ENTREP2: variants seen among roughly 807,000 people sequenced by gnomAD.
ENTREP2 encodes the protein protein ENTREP2.
the ENTREP2 span, among the ~76,000 whole-genome samples, chr15:29,670,371 C>T: frequency 6.6e-6 from 1 of 152,010 alleles, no homozygotes; most frequent in African/African-American, 2.4e-5. Flanking sequence ...GTGGTTCCAG[C>T]GGTGATTCCC....
the ENTREP2 span, among the ~76,000 whole-genome samples, chr15:29,323,347 C>T: frequency 1.3e-5 from 2 of 152,134 alleles, no homozygotes. Flanking sequence ...TCGATAAAAA[C>T]CCAAGAGGAC....
the ENTREP2 span, among the ~76,000 whole-genome samples, chr15:29,636,062 T>A: frequency 1.3e-5 from 2 of 152,114 alleles, no homozygotes. Context: ...GCTGGTTCAG[T>A]CTTCAAGGAC....
At chr15:29,671,251 G>T in the ENTREP2 span, among the ~76,000 whole-genome samples, 1 of 152,226 alleles carries the variant, frequency 6.6e-6, no homozygotes, top group East Asian at 1.9e-4. Flanking sequence ...AGCCCTGGCT[G>T]TTCGTCTGTG....
At chr15:29,489,032 CT>C in the ENTREP2 span, among the ~76,000 whole-genome samples, 1 of 152,016 alleles carries the variant, frequency 6.6e-6, no homozygotes, top group Non-Finnish European at 1.5e-5. Flanking sequence ...TAATTTTGGA[CT>C]TTTATAGAGG....
the ENTREP2 span, among the ~76,000 whole-genome samples, chr15:29,348,293 T>C: frequency 6.6e-6 from 1 of 151,770 alleles, no homozygotes; most frequent in African/African-American, 2.4e-5. Context: ...TATAGGGTAT[T>C]AGAAGGTGGT....
the ENTREP2 span, among the ~76,000 whole-genome samples, chr15:29,155,001 G>A: frequency 0.14 from 21,263 of 151,232 alleles, 2,327 homozygotes; most frequent in African/African-American, 0.3. Flanking sequence ...AGGCAGAACC[G>A]GCCGGGCGTG....
At chr15:29,555,866 G>A in the ENTREP2 span, among the ~76,000 whole-genome samples, 4 of 152,230 alleles carry the variant, frequency 2.6e-5, no homozygotes, top group Admixed American at 6.5e-5. Context: ...GGAACCATTC[G>A]TTCTTCACCA....
chr15:29,133,037 C>A, the ENTREP2 span, among the ~76,000 whole-genome samples: 37,153 of 152,138 alleles, frequency 0.24, 5,513 homozygotes, highest in Non-Finnish European at 0.34. Context: ...GTTTCCGGGT[C>A]CATCTGCCGC....
At chr15:29,356,664 A>G in the ENTREP2 span, among the ~76,000 whole-genome samples, 7 of 152,048 alleles carry the variant, frequency 4.6e-5, no homozygotes, top group Non-Finnish European at 7.4e-5. Context: ...ACCAAGGATA[A>G]GTGCATGAGA....
chr15:29,467,650 C>T, the ENTREP2 span, among the ~76,000 whole-genome samples: 1 of 152,122 alleles, frequency 6.6e-6, no homozygotes, highest in African/African-American at 2.4e-5. Flanking sequence ...GGTGAAACTA[C>T]CACATCCCCC....
the ENTREP2 span, among the ~76,000 whole-genome samples, chr15:29,371,169 AG>A: frequency 6.6e-6 from 1 of 152,100 alleles, no homozygotes; most frequent in Non-Finnish European, 1.5e-5. Flanking sequence ...GTGGAAAATA[AG>A]CTCAGCTCTT....
chr15:29,577,980 G>A, the ENTREP2 span, among the ~76,000 whole-genome samples: 1 of 152,180 alleles, frequency 6.6e-6, no homozygotes, highest in South Asian at 2.1e-4. Flanking sequence ...AATTGCAGAA[G>A]ATGAAGAGTT....
the ENTREP2 span, among the ~76,000 whole-genome samples, chr15:29,378,903 T>G: frequency 6.6e-6 from 1 of 152,216 alleles, no homozygotes; most frequent in Non-Finnish European, 1.5e-5. Flanking sequence ...TTTCCTTGCA[T>G]CTATTGTGAA....
chr15:29,490,296 G>T, the ENTREP2 span, among the ~76,000 whole-genome samples: 1 of 152,212 alleles, frequency 6.6e-6, no homozygotes, highest in African/African-American at 2.4e-5. Context: ...GAACTTCGCT[G>T]TGAGTATTAC....
the ENTREP2 span, among the ~76,000 whole-genome samples, chr15:29,462,069 T>G: frequency 6.6e-6 from 1 of 152,196 alleles, no homozygotes. Flanking sequence ...TGGTGCAGCA[T>G]GTGTCAGAAT....
the ENTREP2 span, among the ~76,000 whole-genome samples, chr15:29,427,044 T>TG: frequency 6.6e-6 from 1 of 152,172 alleles, no homozygotes; most frequent in Non-Finnish European, 1.5e-5. Flanking sequence ...ATCTTATGGG[T>TG]GCTTGGTTTC....
At chr15:29,228,216 G>A in the ENTREP2 span, among the ~76,000 whole-genome samples, 3 of 152,142 alleles carry the variant, frequency 2.0e-5, no homozygotes, top group South Asian at 2.1e-4. Context: ...CTACTCAGGA[G>A]GCTGAGGCAG....
chr15:29,127,351 G>A, the ENTREP2 span, among the ~76,000 whole-genome samples: 1 of 152,142 alleles, frequency 6.6e-6, no homozygotes, highest in Admixed American at 6.5e-5. Flanking sequence ...CCTGCATGGG[G>A]GACACTTCAT....
chr15:29,542,143 G>A, the ENTREP2 span, among the ~76,000 whole-genome samples: 1 of 152,190 alleles, frequency 6.6e-6, no homozygotes, highest in Non-Finnish European at 1.5e-5. Context: ...CTCCAGAGTA[G>A]CTGGGATTAC....
Sources: allele counts gnomAD v4.1 joint callset (sites outside exome capture counted in the v4.1 genomes callset), GRCh38; gene constraint gnomAD v4.1.1; transcripts MANE v1.5; gene names NCBI Gene and HGNC (gene_info 2026-07-23, HGNC 2026-07-21).